PRKD1: variants seen among roughly 807,000 people sequenced by gnomAD.
PRKD1 encodes protein kinase D1, also known as serine/threonine-protein kinase D1.
PRKD1 carries 63 observed loss-of-function variants against 95.9 expected under a neutral mutation model. The observed-to-expected ratio is 0.66, with a 90% CI of 0.54 to 0.81. PRKD1 has a LOEUF of 0.81. Ranked by LOEUF, PRKD1 falls within the 30% of genes least tolerant of loss-of-function variation. The pLI, the probability that PRKD1 is intolerant of heterozygous loss-of-function variation, is 0.00. For synonymous variants in PRKD1, 425 were observed against 423.1 expected (o/e 1.00, Z -0.05); for missense variants, 1,048 against 1,165.3 (o/e 0.90, Z 1.47).
intron 1 of PRKD1, among the ~76,000 whole-genome samples, chr14:29,803,077 T>C (rs953190371): frequency 3.9e-5 from 6 of 152,208 alleles, no homozygotes; most frequent in Non-Finnish European, 5.9e-5. Flanking sequence ...ATCCTCTATA[T>C]ATCCCTCCCA....
chr14:29,590,195 A>G (rs1893080783), intron 16 of PRKD1, among the ~76,000 whole-genome samples: 1 of 152,232 alleles, frequency 6.6e-6, no homozygotes, highest in African/African-American at 2.4e-5. Flanking sequence ...TAGTTTGAGA[A>G]GAATCACTTT....
intron 16 of PRKD1, among the ~76,000 whole-genome samples, chr14:29,592,253 C>G (rs188183438): frequency 6.6e-6 from 1 of 151,578 alleles, no homozygotes; most frequent in African/African-American, 2.4e-5. Flanking sequence ...ACATACAACA[C>G]TGCCTTAGGA....
chr14:29,890,274 T>A (rs540769438), intron 1 of PRKD1, among the ~76,000 whole-genome samples: 1 of 152,320 alleles, frequency 6.6e-6, no homozygotes, highest in Non-Finnish European at 1.5e-5. Context: ...TCTCCCAACC[T>A]GTTATAATTA....
intron 13 of PRKD1, among the ~76,000 whole-genome samples, chr14:29,613,423 C>G (rs1878621432): frequency 6.6e-6 from 1 of 151,976 alleles, no homozygotes; most frequent in African/African-American, 2.4e-5. Flanking sequence ...AGACAAGTTA[C>G]TATGTCTTTT....
intron 13 of PRKD1, among the ~76,000 whole-genome samples, chr14:29,613,681 C>A (rs1421601772): frequency 6.6e-6 from 1 of 152,092 alleles, no homozygotes; most frequent in East Asian, 1.9e-4. Context: ...ATAGCAATTT[C>A]TTTTTGAAAA....
At chr14:29,902,843 TA>T (rs33986859) in intron 1 of PRKD1, among the ~76,000 whole-genome samples, 151,522 of 152,084 alleles carry the variant, frequency 1, 75,485 homozygotes, top group African/African-American at 1. Flanking sequence ...AAAGGAAAAA[TA>T]AAAAAAAAAT....
At chr14:29,800,350 G>A (rs973899855) in intron 1 of PRKD1, among the ~76,000 whole-genome samples, 7 of 152,148 alleles carry the variant, frequency 4.6e-5, no homozygotes, top group Non-Finnish European at 1.0e-4. Context: ...AGGCGTGCTT[G>A]CATTTGTTTA....
At chr14:29,839,736 G>A (rs1376093494) in intron 1 of PRKD1, among the ~76,000 whole-genome samples, 1 of 151,872 alleles carries the variant, frequency 6.6e-6, no homozygotes, top group Non-Finnish European at 1.5e-5. Flanking sequence ...CTAGACTTCT[G>A]TGCACTCCCA....
intron 4 of PRKD1, among the ~76,000 whole-genome samples, chr14:29,656,120 A>T (rs919808921): frequency 3.3e-5 from 5 of 152,132 alleles, no homozygotes; most frequent in Non-Finnish European, 7.4e-5. Context: ...GTGAGGGCTG[A>T]TGTATTCTTC....
chr14:29,723,660 A>C (rs2139389268), intron 2 of PRKD1, among the ~76,000 whole-genome samples: 1 of 117,852 alleles, frequency 8.5e-6, no homozygotes, highest in South Asian at 4.0e-4. Context: ...TCTAAACATA[A>C]TTGAGTGTGC....
intron 16 of PRKD1, among the ~76,000 whole-genome samples, chr14:29,581,472 C>T (rs377040767): frequency 7.0e-4 from 106 of 152,080 alleles, no homozygotes; most frequent in African/African-American, 2.0e-3. Context: ...GAAAACGTGA[C>T]GCTTCAAAAG....
At chr14:29,590,772 C>T (rs190680765) in intron 16 of PRKD1, among the ~76,000 whole-genome samples, 50 of 152,198 alleles carry the variant, frequency 3.3e-4, no homozygotes, top group African/African-American at 1.1e-3. Context: ...ATTCTCTTTT[C>T]CTACATTCCT....
chr14:29,616,504 T>C (rs1878874089), intron 13 of PRKD1, among the ~76,000 whole-genome samples: 2 of 151,946 alleles, frequency 1.3e-5, no homozygotes, highest in Admixed American at 6.6e-5. Context: ...AGTGCAGTTG[T>C]GTGATCATAG....
intron 1 of PRKD1, among the ~76,000 whole-genome samples, chr14:29,873,869 C>T (rs934712209): frequency 2.0e-5 from 3 of 151,950 alleles, no homozygotes; most frequent in African/African-American, 7.2e-5. Context: ...CACACACATA[C>T]ACACAGCTGC....
At chr14:29,870,748 TA>T (rs1893074832) in intron 1 of PRKD1, among the ~76,000 whole-genome samples, 1 of 152,226 alleles carries the variant, frequency 6.6e-6, no homozygotes, top group South Asian at 2.1e-4. Context: ...ATTATATGGT[TA>T]TAAATGAATT....
intron 1 of PRKD1, among the ~76,000 whole-genome samples, chr14:29,754,298 T>C (rs1887603628): frequency 6.6e-6 from 1 of 152,200 alleles, no homozygotes; most frequent in Non-Finnish European, 1.5e-5. Context: ...TTATTAGTGT[T>C]GTCCACGCTG....
At chr14:29,917,137 A>C (rs566613005) in intron 1 of PRKD1, among the ~76,000 whole-genome samples, 1 of 152,312 alleles carries the variant, frequency 6.6e-6, no homozygotes, top group African/African-American at 2.4e-5. Flanking sequence ...GGCCTAATTC[A>C]ATCAAGTCTC....
chr14:29,676,188 T>TG (rs1228208428), intron 2 of PRKD1, among the ~76,000 whole-genome samples: 3 of 121,490 alleles, frequency 2.5e-5, no homozygotes, highest in African/African-American at 1.0e-4. Context: ...TTTTTGTTTT[T>TG]TTTTTTTTTT....
At chr14:29,659,899 A>G (rs1882096752) in intron 4 of PRKD1, among the ~76,000 whole-genome samples, 2 of 152,086 alleles carry the variant, frequency 1.3e-5, no homozygotes, top group South Asian at 4.1e-4. Context: ...TCACTTTTCT[A>G]TTCTCTTAAT....
Sources: gnomAD v4.1 joint callset for allele counts (sites outside exome capture counted in the v4.1 genomes callset) on GRCh38, gnomAD v4.1.1 for gene constraint, MANE v1.5 for transcripts, NCBI Gene and HGNC (gene_info 2026-07-23, HGNC 2026-07-21) for gene names.